The following CLIC4 variants were observed in gnomAD, a reference collection of about 807,000 sequenced individuals.
CLIC4 encodes CLIC family member 4, also known as chloride intracellular channel protein 4.
In CLIC4, 13 loss-of-function variants were observed where a neutral mutation model predicts 24.6. The observed-to-expected ratio is 0.53, with a 90% CI of 0.34 to 0.84. CLIC4 has a LOEUF of 0.84. CLIC4 is among the 40% of genes least tolerant of loss of function. The pLI, the probability that CLIC4 is intolerant of heterozygous loss-of-function variation, is 0.01. For missense variants in CLIC4, 227 were observed against 301.7 expected, an observed-to-expected ratio of 0.75 and a Z score of 1.83; for synonymous variants, 104 against 111.3, an observed-to-expected ratio of 0.93 and a Z score of 0.41.
intron 1 of CLIC4, among the ~76,000 whole-genome samples, chr1:24,792,038 G>A (rs895926846): frequency 2.5e-4 from 33 of 130,396 alleles, no homozygotes; most frequent in African/African-American, 8.3e-4. Flanking sequence ...AACAGAGCGA[G>A]ACTCCACCTA....
At chr1:24,800,555 C>G (rs1176486697) in intron 2 of CLIC4, among the ~76,000 whole-genome samples, 1 of 152,200 alleles carries the variant, frequency 6.6e-6, no homozygotes, top group African/African-American at 2.4e-5. Context: ...ACCACCCCGT[C>G]TGGGAGGTGT....
chr1:24,747,274 G>T (rs916626558), intron 1 of CLIC4, among the ~76,000 whole-genome samples: 1 of 151,790 alleles, frequency 6.6e-6, no homozygotes, highest in Non-Finnish European at 1.5e-5. Context: ...GGTGGCTCAC[G>T]CCTGTAATCC....
chr1:24,800,361 AC>A (rs1429563124), intron 2 of CLIC4, among the ~76,000 whole-genome samples: 14 of 81,026 alleles, frequency 1.7e-4, no homozygotes, highest in Admixed American at 1.4e-3. Context: ...TCAGCCCCCC[AC>A]CCGGCCAGCC....
At chr1:24,816,256 T>TTC (rs1157376098) in intron 3 of CLIC4, among the ~76,000 whole-genome samples, 1 of 148,928 alleles carries the variant, frequency 6.7e-6, no homozygotes, top group Admixed American at 6.7e-5. Flanking sequence ...TTTTTTTTTT[T>TTC]GGACGGAGTT....
chr1:24,747,095 ATTTTTTTTT>A (rs749648001), intron 1 of CLIC4, among the ~76,000 whole-genome samples: 149 of 120,252 alleles, frequency 1.2e-3, no homozygotes, highest in Non-Finnish European at 1.7e-3. Flanking sequence ...TCAATTTTCG[ATTTTTTTTT>A]TTTTTTTTTT....
chr1:24,816,199 A>G (rs1253786277), intron 3 of CLIC4, among the ~76,000 whole-genome samples: 4 of 120,116 alleles, frequency 3.3e-5, no homozygotes, highest in African/African-American at 6.3e-5. Context: ...TAATGTTGCT[A>G]TTTTGACCTC....
intron 3 of CLIC4, among the ~76,000 whole-genome samples, chr1:24,814,819 C>T (rs1639652445): frequency 6.6e-6 from 1 of 152,178 alleles, no homozygotes; most frequent in Non-Finnish European, 1.5e-5. Flanking sequence ...GGCATAGATT[C>T]AAAGCATTAT....
chr1:24,805,283 C>A (rs1208705630), intron 2 of CLIC4, among the ~76,000 whole-genome samples: 1 of 151,904 alleles, frequency 6.6e-6, no homozygotes, highest in African/African-American at 2.4e-5. Context: ...GGGACAAAGA[C>A]AAATTCTTAG....
At chr1:24,764,237 A>T (rs1036567829) in intron 1 of CLIC4, among the ~76,000 whole-genome samples, 1 of 152,086 alleles carries the variant, frequency 6.6e-6, no homozygotes, top group South Asian at 2.1e-4. Context: ...AGTAGCTGGG[A>T]TTACAGGCAT....
intron 3 of CLIC4, among the ~76,000 whole-genome samples, chr1:24,823,833 T>C (rs1639760142): frequency 6.6e-6 from 1 of 151,354 alleles, no homozygotes. Flanking sequence ...TCAGCCTTCA[T>C]TTTTATATTT....
At chr1:24,813,457 C>A (rs1160733732) in intron 2 of CLIC4, among the ~76,000 whole-genome samples, 1 of 151,952 alleles carries the variant, frequency 6.6e-6, no homozygotes, top group African/African-American at 2.4e-5. Flanking sequence ...TTTACTCTGT[C>A]ACCTAGGCTG....
intron 1 of CLIC4, among the ~76,000 whole-genome samples, chr1:24,795,607 G>A (rs1462279409): frequency 6.6e-6 from 1 of 152,032 alleles, no homozygotes; most frequent in Non-Finnish European, 1.5e-5. Context: ...GTCTCACTTT[G>A]TCGCCCAGGC....
At chr1:24,758,940 A>T (rs565907953) in intron 1 of CLIC4, among the ~76,000 whole-genome samples, 10 of 152,284 alleles carry the variant, frequency 6.6e-5, no homozygotes, top group African/African-American at 2.4e-4. Context: ...GTATTGAATT[A>T]AGTGAGTTGG....
At chr1:24,779,012 G>T (rs1306196057) in intron 1 of CLIC4, among the ~76,000 whole-genome samples, 1 of 152,128 alleles carries the variant, frequency 6.6e-6, no homozygotes, top group Non-Finnish European at 1.5e-5. Flanking sequence ...TTATTCAAAA[G>T]AAGTTCTATT....
intron 1 of CLIC4, among the ~76,000 whole-genome samples, chr1:24,796,073 C>A (rs1639396001): frequency 6.6e-6 from 1 of 152,146 alleles, no homozygotes; most frequent in Non-Finnish European, 1.5e-5. Context: ...ACATAGTAGC[C>A]ATTAGTCATA....
intron 1 of CLIC4, among the ~76,000 whole-genome samples, chr1:24,779,922 A>G (rs1014289191): frequency 5.9e-5 from 9 of 152,252 alleles, no homozygotes; most frequent in African/African-American, 1.7e-4. Context: ...TCTGTTTTCC[A>G]TATGGCAGAG....
chr1:24,779,153 C>A (rs1009676804), intron 1 of CLIC4, among the ~76,000 whole-genome samples: 17 of 152,008 alleles, frequency 1.1e-4, no homozygotes, highest in African/African-American at 3.4e-4. Flanking sequence ...TATAAAAAGA[C>A]AAATAGGACA....
At chr1:24,776,147 G>C (rs1639138462) in intron 1 of CLIC4, among the ~76,000 whole-genome samples, 1 of 152,120 alleles carries the variant, frequency 6.6e-6, no homozygotes, top group African/African-American at 2.4e-5. Flanking sequence ...GATTTATGCA[G>C]ATTTTAGGGC....
chr1:24,757,823 G>A (rs1413079886), intron 1 of CLIC4, among the ~76,000 whole-genome samples: 3 of 150,976 alleles, frequency 2.0e-5, no homozygotes, highest in African/African-American at 7.3e-5. Context: ...GCTGGAGTGC[G>A]CTGGTGCAAT....
Sources: allele counts gnomAD v4.1 joint callset (sites outside exome capture counted in the v4.1 genomes callset), GRCh38; gene constraint gnomAD v4.1.1; transcripts MANE v1.5; gene names NCBI Gene and HGNC (gene_info 2026-07-23, HGNC 2026-07-21).